Variants in SLC2A9 observed in about 807,000 individuals in gnomAD.
SLC2A9 encodes solute carrier family 2 member 9.
A neutral mutation model predicts 50.6 loss-of-function variants in SLC2A9; 39 were observed. That is an observed-to-expected ratio of 0.77 (90% CI 0.60 to 1.01). The LOEUF (loss-of-function observed/expected upper bound fraction) is 1.01, where lower values mean the gene tolerates loss of function less well. Among genes scored for constraint, SLC2A9 ranks in the 50% least tolerant of loss-of-function variants. SLC2A9 has a pLI of 0.00. For synonymous variants in SLC2A9, 324 were observed against 276.9 expected (o/e 1.17, Z -1.69); for missense variants, 686 against 677.6 (o/e 1.01, Z -0.14).
At chr4:9,835,064 A>C in intron 10 of SLC2A9, 56 bp from the exon 11 acceptor site, 1 of 1,611,408 alleles carries the variant, frequency 6.2e-7, no homozygotes, top group Non-Finnish European at 8.5e-7. Context: ...TCATGCCTCC[A>C]GCATCCATCT....
intron 10 of SLC2A9, among the ~76,000 whole-genome samples, chr4:9,874,442 T>C (rs992544345): frequency 6.6e-6 from 1 of 152,302 alleles, no homozygotes; most frequent in African/African-American, 2.4e-5. Flanking sequence ...CGTGAGCCAG[T>C]GTACACCTAA....
chr4:9,888,634 T>C (rs1024603652), intron 9 of SLC2A9, among the ~76,000 whole-genome samples: 1 of 151,880 alleles, frequency 6.6e-6, no homozygotes, highest in African/African-American at 2.4e-5. Flanking sequence ...CGTTCATCTC[T>C]GTAGGCTGAG....
At chr4:9,872,725 AC>A (rs1733650987) in intron 10 of SLC2A9, among the ~76,000 whole-genome samples, 1 of 152,184 alleles carries the variant, frequency 6.6e-6, no homozygotes, top group African/African-American at 2.4e-5. Flanking sequence ...AGAAGGAACA[AC>A]AACAAAAAAA....
At chr4:9,972,120 C>T (rs6852441) in intron 5 of SLC2A9, among the ~76,000 whole-genome samples, 72,031 of 152,022 alleles carry the variant, frequency 0.47, 18,187 homozygotes, top group African/African-American at 0.64. Context: ...TGTTTTCTTT[C>T]AGAAAGTCTC....
At chr4:9,859,432 A>G (rs1049505752) in intron 10 of SLC2A9, among the ~76,000 whole-genome samples, 3 of 152,206 alleles carry the variant, frequency 2.0e-5, no homozygotes, top group Non-Finnish European at 2.9e-5. Flanking sequence ...CCAATTTACA[A>G]ATGAGGAAAC....
At chr4:10,022,947 A>G (rs1292836015), upstream of SLC2A9, among the ~76,000 whole-genome samples, 1 of 152,220 alleles carries the variant, frequency 6.6e-6, no homozygotes, top group Admixed American at 6.5e-5. Flanking sequence ...TCAGTCAGGC[A>G]TGCCCCGGGA....
chr4:9,782,035 G>A lies in SLC2A9; in HGVS notation n.386-1970C>T, dbSNP rs767580702. On this transcript the variant is annotated intron_variant and non_coding_transcript_variant, in intron 3 of 3. Coordinates refer to the SLC2A9 transcript ENST00000503803. ...CCCCTGCAGTCCAGCCCGAAATGCT[G>A]CCGCCAGGCAGCAACGGCACCGCGT... 5 of 1,465,916 alleles carry A rather than the reference G, an allele frequency of 3.4e-6. No homozygotes were observed. In the African/African-American group the frequency reaches 5.7e-5, roughly 17 times the overall value. 90.8% of individuals were successfully genotyped at this position (1,465,916 alleles called of 1,614,324 possible).
intron 10 of SLC2A9, among the ~76,000 whole-genome samples, chr4:9,857,715 C>T (rs962006351): frequency 2.6e-5 from 4 of 152,246 alleles, no homozygotes; most frequent in African/African-American, 4.8e-5. Flanking sequence ...CAGGAACTTG[C>T]CCTGAAATGC....
At chr4:9,937,706 G>A (rs2110231006) in intron 6 of SLC2A9, among the ~76,000 whole-genome samples, 1 of 152,302 alleles carries the variant, frequency 6.6e-6, no homozygotes, top group South Asian at 2.1e-4. Context: ...CTCCAGATGG[G>A]TATAGGTGAG....
At chr4:9,779,783 A>T (rs1718093122), downstream of SLC2A9, 1 of 151,388 alleles carries the variant, frequency 6.6e-6, no homozygotes, top group Admixed American at 6.6e-5. Flanking sequence ...CCATTGTATA[A>T]CCAGTGGGTA....
rs578156702 is a variant in SLC2A9, at chr4:9,874,734, C to T, written c.1291+12833G>A. On this transcript the variant is annotated intron_variant, in intron 10 of 11. Coordinates refer to ENST00000264784, the MANE Select transcript of SLC2A9 (RefSeq NM_020041.3). ...GACCTCACATCCCCACATCGGCACC[C>T]ATGTTCTCACAGGTTAGTGTCTAAG... Among the ~76,000 whole-genome samples the T allele has an allele frequency of 2.3e-4, 35 of 152,262 alleles. No individual in the cohort carries two copies. In the South Asian group the frequency reaches 6.6e-3, roughly 29 times the overall value.
At chr4:9,944,477 A>C (rs1748749455) in intron 5 of SLC2A9, among the ~76,000 whole-genome samples, 1 of 151,918 alleles carries the variant, frequency 6.6e-6, no homozygotes, top group South Asian at 2.1e-4. Context: ...GGACGTGTGG[A>C]CTCTTTCTTA....
intron 10 of SLC2A9, among the ~76,000 whole-genome samples, chr4:9,870,385 C>A (rs1025286120): frequency 6.6e-6 from 1 of 152,234 alleles, no homozygotes; most frequent in Non-Finnish European, 1.5e-5. Context: ...CTGACAGAAA[C>A]CACGAGAAAG....
chr4:10,034,833 AAAG>A (rs1458397766), intron 1 of SLC2A9: 2 of 152,406 alleles, frequency 1.3e-5, no homozygotes, highest in East Asian at 3.9e-4. Context: ...ACACAGCAAG[AAAG>A]AAGCAGGATG....
At chr4:9,822,509 C>T (rs1044663350), downstream of SLC2A9, among the ~76,000 whole-genome samples, 8 of 152,076 alleles carry the variant, frequency 5.3e-5, no homozygotes, top group Non-Finnish European at 1.0e-4. Context: ...TGCCAGCTTT[C>T]TTTTGATTTG....
intron 3 of SLC2A9, among the ~76,000 whole-genome samples, chr4:9,812,614 A>C (rs60106886): frequency 0.036 from 5,446 of 152,162 alleles, 339 homozygotes; most frequent in African/African-American, 0.12. Flanking sequence ...ATCTAGATGC[A>C]ACATGCTCAA....
chr4:9,969,281 T>A (rs1313879191), intron 5 of SLC2A9, among the ~76,000 whole-genome samples: 1 of 152,220 alleles, frequency 6.6e-6, no homozygotes, highest in Non-Finnish European at 1.5e-5. Flanking sequence ...TCTTCTATGT[T>A]ATCAGTCATA....
chr4:9,903,684 GAAAGTCT>G (rs1412509783), intron 8 of SLC2A9, among the ~76,000 whole-genome samples: 1 of 151,876 alleles, frequency 6.6e-6, no homozygotes, highest in Non-Finnish European at 1.5e-5. Flanking sequence ...AAAAAAATTG[GAAAGTCT>G]TTTTGGATAA....
At chr4:10,011,034 C>T (rs1472965723) in intron 2 of SLC2A9, among the ~76,000 whole-genome samples, 1 of 152,218 alleles carries the variant, frequency 6.6e-6, no homozygotes, top group African/African-American at 2.4e-5. Flanking sequence ...GGTCCATCAC[C>T]TCAATAGTTG....
Sources: gnomAD v4.1 joint callset for allele counts (sites outside exome capture counted in the v4.1 genomes callset) on GRCh38, gnomAD v4.1.1 for gene constraint, MANE v1.5 for transcripts, NCBI Gene and HGNC (gene_info 2026-07-23, HGNC 2026-07-21) for gene names.